C11orf65: variants seen among roughly 807,000 people sequenced by gnomAD.
C11orf65 encodes protein MFI.
Under a neutral mutation model 35.3 loss-of-function variants are expected in C11orf65, and 38 were observed. The ratio of observed to expected loss-of-function variants is 1.08; its 90% CI spans 0.83 to 1.41. The LOEUF (loss-of-function observed/expected upper bound fraction) is 1.41. Among genes scored for constraint, C11orf65 ranks in the 40% most tolerant of loss-of-function variants. The pLI, the probability that C11orf65 is intolerant of heterozygous loss-of-function variation, is 0.00. For synonymous variants in C11orf65, 105 were observed against 114.4 expected, an observed-to-expected ratio of 0.92 and a Z score of 0.53; for missense variants, 370 against 367.1, an observed-to-expected ratio of 1.01 and a Z score of -0.06.
intron 6 of C11orf65, among the ~76,000 whole-genome samples, chr11:108,309,891 C>G (rs1439628064): frequency 6.6e-6 from 1 of 151,936 alleles, no homozygotes; most frequent in Non-Finnish European, 1.5e-5. Context: ...ATATGAACCC[C>G]AATTTTGTAT....
At chr11:108,351,195 ATAAAAT>A (rs995927139) in intron 2 of C11orf65, among the ~76,000 whole-genome samples, 5 of 152,202 alleles carry the variant, frequency 3.3e-5, no homozygotes, top group Admixed American at 6.5e-5. Context: ...TCAAAAGCTG[ATAAAAT>A]TAATGTATAG....
At chr11:108,424,588 C>T (rs4250067) in intron 3 of C11orf65, among the ~76,000 whole-genome samples, 59,965 of 151,830 alleles carry the variant, frequency 0.39, 12,405 homozygotes, top group Middle Eastern at 0.65. Context: ...CCCCTGTCAA[C>T]ATTAGACAGA....
At chr11:108,438,638 G>C (rs965453533) in intron 2 of C11orf65, among the ~76,000 whole-genome samples, 2 of 152,028 alleles carry the variant, frequency 1.3e-5, no homozygotes, top group African/African-American at 4.8e-5. Flanking sequence ...TCATGACGTT[G>C]GATTTGGTAA....
intron 7 of C11orf65, among the ~76,000 whole-genome samples, chr11:108,388,268 C>A (rs2092061532): frequency 1.3e-5 from 2 of 152,112 alleles, no homozygotes; most frequent in Admixed American, 1.3e-4. Context: ...ACTTTTATTC[C>A]ATTATTTTAA....
At chr11:108,387,939 C>A (rs763594658) in intron 7 of C11orf65, among the ~76,000 whole-genome samples, 7 of 152,208 alleles carry the variant, frequency 4.6e-5, no homozygotes, top group Non-Finnish European at 1.0e-4. Flanking sequence ...CAATAGGATA[C>A]TGCTGGGTGA....
intron 2 of C11orf65, among the ~76,000 whole-genome samples, chr11:108,453,651 C>T (rs548233022): frequency 6.6e-6 from 1 of 152,244 alleles, no homozygotes; most frequent in African/African-American, 2.4e-5. Context: ...GTAAAATATA[C>T]GAAATATCTA....
intron 6 of C11orf65, among the ~76,000 whole-genome samples, chr11:108,393,910 C>T (rs1041344332): frequency 5.3e-5 from 8 of 152,120 alleles, no homozygotes; most frequent in East Asian, 1.9e-4. Flanking sequence ...AGGCCCAGCG[C>T]GGTGGCTCAC....
chr11:108,420,702 A>AAC, intron 3 of C11orf65, among the ~76,000 whole-genome samples: 1 of 152,302 alleles, frequency 6.6e-6, no homozygotes, highest in East Asian at 1.9e-4. Flanking sequence ...CAGTATTGTC[A>AAC]TGATACCAGT....
chr11:108,435,879 G>T (rs1413734392), intron 2 of C11orf65, among the ~76,000 whole-genome samples: 1 of 152,148 alleles, frequency 6.6e-6, no homozygotes, highest in Non-Finnish European at 1.5e-5. Context: ...TCTGTAATGT[G>T]TAAATATGCT....
chr11:108,347,170 A>C (rs2088521938), intron 2 of C11orf65: 1 of 890,366 alleles, frequency 1.1e-6, no homozygotes. Context: ...TAAAAATCCT[A>C]AACTACTTAA....
intron 2 of C11orf65, among the ~76,000 whole-genome samples, chr11:108,432,564 CT>C (rs1200822660): frequency 6.6e-6 from 1 of 152,122 alleles, no homozygotes; most frequent in African/African-American, 2.4e-5. Flanking sequence ...TCTTTGGTAA[CT>C]CTCCCCTCAA....
In C11orf65 at chr11:108,309,027, C is replaced by A. The variant is rs530577906; in HGVS notation, c.685G>T (p.Glu229Ter). The change falls in exon 7 of 7, where the codon GAA becomes TAA. Residue 229 changes from glutamate to a stop codon, truncating the protein, a stop_gained. Transcript: ENST00000525729. LOFTEE classifies it low-confidence loss of function (END_TRUNC). The stretch of plus-strand genomic sequence containing the variant: ...GCAGGAGTTGGAGAAGATAAAAATT[C>A]TTCATATTCCATTTTAATGCTGAAT... 3.9e-6 allele frequency: 6 copies of A among 1,526,118 alleles called. No individual in the cohort carries two copies. Among genetic ancestry groups the A allele is most frequent in the East Asian group, 2.5e-5 (1 of 40,786 alleles). The allele number at this position is 1,526,118 out of a possible 1,614,324, so 94.5% of individuals were successfully genotyped here.
chr11:108,397,897 G>A (rs752973963), intron 6 of C11orf65, among the ~76,000 whole-genome samples: 10 of 152,156 alleles, frequency 6.6e-5, no homozygotes, highest in Non-Finnish European at 1.3e-4. Context: ...GTTTAGTGGA[G>A]GTGGCAGACA....
intron 2 of C11orf65, among the ~76,000 whole-genome samples, chr11:108,436,244 T>C (rs1355287596): frequency 6.6e-6 from 1 of 152,178 alleles, no homozygotes; most frequent in East Asian, 1.9e-4. Flanking sequence ...GACGCTTGAT[T>C]TTAGCCCAGT....
At chr11:108,402,431 T>C (rs999759143) in intron 6 of C11orf65, among the ~76,000 whole-genome samples, 2 of 152,152 alleles carry the variant, frequency 1.3e-5, no homozygotes, top group African/African-American at 4.8e-5. Flanking sequence ...GGTAGTACTG[T>C]AGGCATTGTA....
intron 8 of C11orf65, 67 bp downstream of exon 8, chr11:108,385,853 A>G: frequency 7.8e-7 from 1 of 1,285,430 alleles, no homozygotes; most frequent in Non-Finnish European, 1.1e-6. Flanking sequence ...ATGCCTAGAA[A>G]TACGTGTGTG....
intron 2 of C11orf65, among the ~76,000 whole-genome samples, chr11:108,363,687 T>A (rs2091043939): frequency 6.6e-6 from 1 of 152,232 alleles, no homozygotes; most frequent in Admixed American, 6.5e-5. Flanking sequence ...AACCCTGCTC[T>A]AGCTTAATCA....
chr11:108,387,148 C>CTTTTTTTTTTT (rs1175890979), intron 7 of C11orf65, among the ~76,000 whole-genome samples: 67 of 84,410 alleles, frequency 7.9e-4, no homozygotes, highest in Non-Finnish European at 9.2e-4. Flanking sequence ...TTCTTTCTTT[C>CTTTTTTTTTTT]TTTTTTTTTT....
intron 2 of C11orf65, among the ~76,000 whole-genome samples, chr11:108,447,541 A>G (rs2093281232): frequency 6.6e-6 from 1 of 152,214 alleles, no homozygotes; most frequent in Non-Finnish European, 1.5e-5. Context: ...ACTACTGGGT[A>G]CATAACAAAA....
Sources: gnomAD v4.1 joint callset for allele counts (sites outside exome capture counted in the v4.1 genomes callset) on GRCh38, gnomAD v4.1.1 for gene constraint, MANE v1.5 for transcripts, NCBI Gene and HGNC (gene_info 2026-07-23, HGNC 2026-07-21) for gene names.